ZFR: variants seen among roughly 807,000 people sequenced by gnomAD.
The protein encoded by ZFR is zinc finger RNA binding protein.
In ZFR, 19 loss-of-function variants were observed where a neutral mutation model predicts 130.7. That is an observed-to-expected ratio of 0.15 (90% CI 0.10 to 0.21). The LOEUF (loss-of-function observed/expected upper bound fraction) is 0.21. ZFR is among the 10% of genes least tolerant of loss of function. The probability of loss-of-function intolerance (pLI) is 1.00; values close to 1 mark genes in which losing one functional copy is unlikely to be tolerated. For synonymous variants in ZFR, 466 were observed against 456.9 expected, an observed-to-expected ratio of 1.02 and a Z score of -0.25; for missense variants, 872 against 1,321.5, an observed-to-expected ratio of 0.66 and a Z score of 5.27.
intron 2 of ZFR, among the ~76,000 whole-genome samples, chr5:32,425,684 T>C (rs1754058678): frequency 1.3e-5 from 2 of 152,134 alleles, no homozygotes. Flanking sequence ...GCTGCCACCT[T>C]CTGGCTAATT....
At position 32,368,441 on chromosome 5, in the gene ZFR, G is replaced by A. The variant is rs1581679982; in HGVS notation, c.2836-4166C>T. ...GTAGAGATGGGAGTTTCTCCATATC[G>A]GTCAGGCTGGTCTTGAACTCTTGAC... On this transcript the variant is annotated intron_variant, in intron 17 of 19. Transcript: ENST00000265069. Among the ~76,000 whole-genome samples the A allele has an allele frequency of 2.0e-5, 3 of 152,114 alleles. No homozygotes were observed. In the East Asian group the frequency reaches 5.8e-4, roughly 29 times the overall value.
chr5:32,388,665 G>A lies in ZFR; in HGVS notation c.2152C>T (p.Arg718Cys), dbSNP rs756029841. The change falls in exon 13 of 20, where the codon CGT (arginine) becomes TGT (cysteine). Residue 718 changes from arginine (R) to cysteine (C), a missense_variant. Physicochemically the swap from Arg to Cys is radical, Grantham distance 180. This residue lies in a region of ZFR where 225 missense variants were observed against 282.4 expected (regional missense o/e 0.80). Coordinates refer to ENST00000265069, the MANE Select transcript of ZFR (RefSeq NM_016107.5). The stretch of plus-strand genomic sequence containing the variant: ...TAACGGTCATCAGATGAGTCAGGAC[G>A]ACGTAAGGGCTACAGAGAAACAAAG... ...PQPQGPAPLR[R>C]PDSSDDRYVM... The A allele has an allele frequency of 1.7e-5, 28 of 1,612,270 alleles. No homozygotes were observed. Among genetic ancestry groups the A allele is most frequent in the Non-Finnish European group, 2.3e-5 (27 of 1,179,094 alleles).
In ZFR at chr5:32,387,569, T is replaced by C. The variant is rs776514905; in HGVS notation, c.2479A>G (p.Asn827Asp). 6.2e-7 allele frequency: 1 copy of C among 1,612,670 alleles called. No individual in the cohort carries two copies. The highest frequency in any genetic ancestry group is 1.3e-5 in the African/African-American group (1 of 74,864). Residue 827 changes from asparagine (N) to aspartate (D), a missense_variant, in exon 14 of 20, where the codon AAC becomes GAC. By Grantham distance (23) the Asn-to-Asp change is conservative (BLOSUM62 1). This residue lies in a region of ZFR where 225 missense variants were observed against 282.4 expected (regional missense o/e 0.80). Coordinates refer to ENST00000265069, the MANE Select transcript of ZFR (RefSeq NM_016107.5). ...CTTACAGCAAGCTGTTTGGGTAGGT[T>C]TTCTGCAATACGGCTTAATAATGTC... ...SKTLLSRIAE[N>D]LPKQLAVISP...
chr5:32,360,831 A>G (rs920027218), intron 19 of ZFR, among the ~76,000 whole-genome samples: 7 of 151,890 alleles, frequency 4.6e-5, no homozygotes, highest in African/African-American at 1.7e-4. Context: ...GGCTCAAGAG[A>G]TCCTCCCACC....
chr5:32,355,650 GAAATCCTTT>G lies in ZFR; in HGVS notation c.*101_*109del. On this transcript the variant is annotated 3_prime_UTR_variant, in exon 20 of 20. Transcript: ENST00000265069. ...TCATAGAAAAACTTGGTTCTTCCAT[GAAATCCTTT>G]AAATTCTTGATAAATTTTTCAATGT... The G allele has an allele frequency of 9.3e-7, 1 of 1,074,328 alleles. No individual in the cohort carries two copies. The highest frequency in any genetic ancestry group is 2.0e-5 in the South Asian group (1 of 49,118). 66.5% of individuals were successfully genotyped at this position (1,074,328 alleles called of 1,614,324 possible). A position where few individuals can be genotyped will look rare whatever the true frequency, so the allele number is the denominator to read the frequency against.
At chr5:32,380,372 A>G in intron 15 of ZFR, 200 bp from the exon 16 acceptor site, 1 of 435,730 alleles carries the variant, frequency 2.3e-6, no homozygotes, top group Non-Finnish European at 4.2e-6. Context: ...ATTTAGTAAT[A>G]TAATAAACAA....
chr5:32,404,012 C>A lies in ZFR; in HGVS notation c.1118G>T (p.Ser373Ile). 1 of 1,614,102 alleles carries A rather than the reference C, an allele frequency of 6.2e-7. No homozygotes were observed. Among genetic ancestry groups the A allele is most frequent in the South Asian group, 1.1e-5 (1 of 91,058 alleles). The stretch of plus-strand genomic sequence containing the variant: ...CTGATTTTGAGTCCCACGAGTAGAA[C>A]TGTTGCTGCTGCTGGTATTTTGTGA... ...KASQNTSSSN[S>I]STRGTQNQLR... The change falls in exon 7 of 20, where the codon AGT becomes ATT. Residue 373 changes from serine (S) to isoleucine (I), a missense_variant. Coordinates refer to ENST00000265069, the MANE Select transcript of ZFR (RefSeq NM_016107.5).
intron 17 of ZFR, 96 bp from the exon 18 acceptor site, chr5:32,364,371 G>A: frequency 1.2e-6 from 1 of 851,850 alleles, no homozygotes; most frequent in Non-Finnish European, 1.8e-6. Context: ...TTTAAAGACT[G>A]AAAAAGCTAC....
At chr5:32,409,154 T>C (rs758919164) in intron 5 of ZFR, among the ~76,000 whole-genome samples, 7 of 152,174 alleles carry the variant, frequency 4.6e-5, no homozygotes, top group Non-Finnish European at 1.0e-4. Flanking sequence ...TGCCCATCCA[T>C]TACCACTTAC....
chr5:32,439,500 C>T lies in ZFR; in HGVS notation c.137+4729G>A, dbSNP rs141480054. ...CCCGAGTTATCTCATCCTTTAGGAA[C>T]GGAAGTCCCTAAGACATCTCAAAAT... is the stretch of plus-strand genomic sequence containing the variant. On this transcript the variant is annotated intron_variant, in intron 2 of 19. Coordinates refer to ENST00000265069, the MANE Select transcript of ZFR (RefSeq NM_016107.5). 1.8e-4 allele frequency among the ~76,000 whole-genome samples: 28 copies of T among 152,282 alleles called. No individual in the cohort carries two copies. In the East Asian group the frequency reaches 3.9e-3, roughly 21 times the overall value.
rs531201485 is a variant in ZFR at position 32,361,094 on chromosome 5, C to G, written c.3045+2854G>C. On this transcript the variant is annotated intron_variant, in intron 19 of 19. Transcript: ENST00000265069. ...CCTCCCAAAGTCTTGAGATTACAGG[C>G]GTGAGCCACTGTGCCTGGCTCTAAC... is the stretch of plus-strand genomic sequence containing the variant. Among the ~76,000 whole-genome samples the G allele has an allele frequency of 2.6e-5, 4 of 152,318 alleles. No homozygotes were observed. In the East Asian group the frequency reaches 7.7e-4, roughly 29 times the overall value.
intron 11 of ZFR, among the ~76,000 whole-genome samples, chr5:32,394,006 A>G (rs566999535): frequency 6.6e-6 from 1 of 152,354 alleles, no homozygotes; most frequent in South Asian, 2.1e-4. Flanking sequence ...AAAATTTTAC[A>G]TATGCACAAA....
chr5:32,356,020 T>C, intron 19 of ZFR, 81 bp from the exon 20 acceptor site: 4 of 1,146,054 alleles, frequency 3.5e-6, no homozygotes, highest in Non-Finnish European at 3.6e-6. Context: ...TCCCTCCAAA[T>C]GCAACCTAAA....
intron 11 of ZFR, 103 bp from the exon 12 acceptor site, chr5:32,390,540 A>G: frequency 8.8e-7 from 1 of 1,142,308 alleles, no homozygotes; most frequent in Non-Finnish European, 1.2e-6. Flanking sequence ...CACCAACATC[A>G]GCCTAGCTAA....
At position 32,420,041 on chromosome 5, in the gene ZFR, T is replaced by C; in HGVS notation, c.200A>G (p.His67Arg). 2 of 1,613,540 alleles carry C rather than the reference T, an allele frequency of 1.2e-6. No homozygotes were observed. The highest frequency in any genetic ancestry group is 1.7e-6 in the Non-Finnish European group (2 of 1,179,916). ...TGTGTGAGCAGCTACTGGAGCCTGATGGACAGTGTAGCTAGCAACTGTAGT... is the reference window on the plus strand; with the variant it reads ...TGTGTGAGCAGCTACTGGAGCCTGACGGACAGTGTAGCTAGCAACTGTAGT... The part of the protein sequence containing the change: ...HPTTVASYTV[H>R]QAPVAAHTVT... The change falls in exon 3 of 20, where the codon CAT becomes CGT. Residue 67 changes from histidine (H) to arginine (R), a missense_variant. His to Arg is a conservative substitution (Grantham distance 29). This residue lies in a region of ZFR where 240 missense variants were observed against 441.2 expected (regional missense o/e 0.54). Coordinates refer to ENST00000265069, the MANE Select transcript of ZFR (RefSeq NM_016107.5).
intron 16 of ZFR, 151 bp downstream of exon 16, chr5:32,379,924 C>T (rs905606377): frequency 5.2e-6 from 3 of 572,148 alleles, no homozygotes; most frequent in Admixed American, 6.0e-5. Flanking sequence ...ATCATCATAC[C>T]CAGCTTTCTA....
chr5:32,397,980 T>C (rs997344352), intron 9 of ZFR, among the ~76,000 whole-genome samples: 7 of 146,862 alleles, frequency 4.8e-5, no homozygotes, highest in African/African-American at 1.7e-4. Context: ...GCCTCAGCCT[T>C]CCGAGTAGCT....
At chr5:32,442,510 G>A (rs7726330) in intron 2 of ZFR, among the ~76,000 whole-genome samples, 5 of 152,134 alleles carry the variant, frequency 3.3e-5, no homozygotes, top group African/African-American at 9.7e-5. Flanking sequence ...ATAAGCAAAC[G>A]ATTTGCTAAT....
intron 14 of ZFR, among the ~76,000 whole-genome samples, chr5:32,386,874 A>G (rs948338665): frequency 2.6e-5 from 4 of 152,144 alleles, no homozygotes; most frequent in Non-Finnish European, 4.4e-5. Context: ...TTAAATTGCT[A>G]GTTTTATACC....
Sources: allele counts gnomAD v4.1 joint callset (sites outside exome capture counted in the v4.1 genomes callset), GRCh38; gene constraint gnomAD v4.1.1; regional missense constraint gnomAD v4.1.1; transcripts MANE v1.5; gene names NCBI Gene and HGNC (gene_info 2026-07-23, HGNC 2026-07-21).